The following PLB1 variants were observed in gnomAD, a reference collection of about 807,000 sequenced individuals.
The protein encoded by PLB1 is phospholipase B1.
In PLB1, 242 loss-of-function variants were observed where a neutral mutation model predicts 227.4. The observed-to-expected ratio is 1.06, with a 90% CI of 0.96 to 1.18. The LOEUF (loss-of-function observed/expected upper bound fraction) is 1.18. Among genes scored for constraint, PLB1 ranks in the 50% most tolerant of loss-of-function variants. PLB1 has a pLI of 0.00. For synonymous variants in PLB1, 757 were observed against 682.2 expected (o/e 1.11, Z -1.71); for missense variants, 1,858 against 1,816.3 (o/e 1.02, Z -0.42).
chr2:28,569,535 A>C (rs1310854433), intron 20 of PLB1, among the ~76,000 whole-genome samples: 2 of 152,210 alleles, frequency 1.3e-5, no homozygotes, highest in Non-Finnish European at 2.9e-5. Context: ...AAGAGGAGAT[A>C]CTACCAACCT....
chr2:28,531,948 T>C (rs1572792930), intron 8 of PLB1, among the ~76,000 whole-genome samples, 160 bp from the exon 9 acceptor site: 1 of 152,216 alleles, frequency 6.6e-6, no homozygotes, highest in Admixed American at 6.5e-5. Context: ...AGAGCAGTTA[T>C]ACCACTTTAA....
At chr2:28,538,846 C>G (rs907855252) in intron 10 of PLB1, among the ~76,000 whole-genome samples, 32 of 152,302 alleles carry the variant, frequency 2.1e-4, no homozygotes, top group Admixed American at 6.5e-4. Context: ...TCTCCCTCCC[C>G]TGTGGACACT....
In PLB1 at chr2:28,643,143, G is replaced by T; in HGVS notation, c.*82G>T. The T allele has an allele frequency of 5.2e-6, 7 of 1,351,556 alleles. No homozygotes were observed. Among genetic ancestry groups the T allele is most frequent in the Non-Finnish European group, 6.9e-6 (7 of 1,007,550 alleles). 83.7% of individuals were successfully genotyped at this position (1,351,556 alleles called of 1,614,324 possible). A position where few individuals can be genotyped will look rare whatever the true frequency, so the allele number is the denominator to read the frequency against. On this transcript the variant is annotated 3_prime_UTR_variant, in exon 58 of 58. Transcript: ENST00000327757. ...TGCCCCAGCCACTCCCGGCCACCAG[G>T]ACATGCTTCAATGCCTGGTGCCATA...
chr2:28,593,640 G>A (rs1380892358), intron 32 of PLB1, 41 bp from the exon 33 acceptor site: 7 of 1,576,740 alleles, frequency 4.4e-6, no homozygotes, highest in Non-Finnish European at 6.1e-6. Context: ...CCTGTTCTCT[G>A]ACTTGCTAAT....
intron 13 of PLB1, among the ~76,000 whole-genome samples, chr2:28,542,112 A>G (rs182264828): frequency 6.9e-6 from 1 of 145,144 alleles, no homozygotes; most frequent in Non-Finnish European, 1.5e-5. Flanking sequence ...CAGCCTGGGC[A>G]GTAGAACGAG....
chr2:28,623,320 A>G (rs942237651), intron 49 of PLB1, among the ~76,000 whole-genome samples: 19 of 152,216 alleles, frequency 1.2e-4, no homozygotes, highest in Non-Finnish European at 4.4e-5. Flanking sequence ...AAGGGAAAGT[A>G]GGACTTGGTC....
At chr2:28,581,482 C>CAAAAA (rs149826765) in intron 23 of PLB1, among the ~76,000 whole-genome samples, 3 of 58,308 alleles carry the variant, frequency 5.1e-5, no homozygotes, top group African/African-American at 1.7e-4. Context: ...GAGCTCCACG[C>CAAAAA]AAAAAAATAA....
chr2:28,634,291 A>G (rs1166259803), intron 56 of PLB1, among the ~76,000 whole-genome samples: 2 of 152,208 alleles, frequency 1.3e-5, no homozygotes, highest in Admixed American at 1.3e-4. Flanking sequence ...TTTATATGGT[A>G]TAATTCCTGT....
intron 6 of PLB1, among the ~76,000 whole-genome samples, chr2:28,526,747 G>A (rs1325780090): frequency 1.3e-5 from 2 of 152,176 alleles, no homozygotes; most frequent in African/African-American, 2.4e-5. Context: ...TGCTCCATGG[G>A]AGTAATGAAC....
chr2:28,558,178 G>GTA (rs1675453350), intron 17 of PLB1, among the ~76,000 whole-genome samples: 1 of 151,810 alleles, frequency 6.6e-6, no homozygotes, highest in Non-Finnish European at 1.5e-5. Flanking sequence ...GTGTGTGTGT[G>GTA]TGTCTATGTG....
At chr2:28,516,393 C>G (rs550122899) in intron 1 of PLB1, among the ~76,000 whole-genome samples, 72 of 152,292 alleles carry the variant, frequency 4.7e-4, no homozygotes, top group African/African-American at 1.6e-3. Flanking sequence ...TCACATTACC[C>G]TTCAAACTAT....
In PLB1 at chr2:28,614,072, G is replaced by C. The variant is rs200283166; in HGVS notation, c.3171G>C (p.Thr1057=). ...GAACCCCTCGGAATAGTAACTACAC[G>C]TACCCCATCAAGCCAGCCATTGAGG... is the stretch of plus-strand genomic sequence containing the variant. ...FLRTPRNSNY[T]YPIKPAIENW... Residue 1057 remains threonine (T), a synonymous_variant, in exon 44 of 58, where the codon ACG becomes ACC. Transcript: ENST00000327757. The C allele has an allele frequency of 2.5e-6, 4 of 1,612,804 alleles. No homozygotes were observed. The East Asian group carries it at 8.9e-5, about 36-fold the overall frequency.
intron 41 of PLB1, among the ~76,000 whole-genome samples, chr2:28,604,977 G>A (rs1684460655): frequency 6.6e-6 from 1 of 152,208 alleles, no homozygotes; most frequent in African/African-American, 2.4e-5. Context: ...GCACCTACTA[G>A]TGCCAGGCAC....
Position 28,598,727 on chromosome 2 carries a change from T to G in PLB1, c.2441T>G (p.Phe814Cys). The change falls in exon 35 of 58, where the codon TTC (phenylalanine) becomes TGC (cysteine). Residue 814 changes from phenylalanine (F) to cysteine (C), a missense_variant. Transcript: ENST00000327757. ...GTGDANDTNA[F>C]LNQAVPGAKA... ...GGTGATGCCAATGACACGAATGCAT[T>G]CCTCAATCAAGCTGTTCCCGGAGCA... is the stretch of plus-strand genomic sequence containing the variant. The G allele has an allele frequency of 3.1e-6, 5 of 1,614,230 alleles. No individual in the cohort carries two copies. Among genetic ancestry groups the G allele is most frequent in the Non-Finnish European group, 4.2e-6 (5 of 1,180,036 alleles).
At chr2:28,592,119 C>T (rs943205598) in intron 31 of PLB1, among the ~76,000 whole-genome samples, 5 of 152,172 alleles carry the variant, frequency 3.3e-5, no homozygotes, top group African/African-American at 1.2e-4. Context: ...TCACTGCCGC[C>T]TACAGTAGGG....
chr2:28,630,555 C>T (rs368323609), intron 53 of PLB1, 31 bp from the exon 54 acceptor site: 65 of 1,590,546 alleles, frequency 4.1e-5, no homozygotes, highest in Non-Finnish European at 5.4e-5. Context: ...GTGCCCCAGG[C>T]AGCCTCAATA....
intron 25 of PLB1, 137 bp downstream of exon 25, chr2:28,582,642 A>G (rs2148271879): frequency 1.5e-6 from 1 of 683,920 alleles, no homozygotes; most frequent in Non-Finnish European, 2.5e-6. Context: ...AACCTGGAAA[A>G]GCCTAAGGGG....
Position 28,581,490 on chromosome 2 carries a change from T to TAA in PLB1, c.1567-576_1567-575dup, listed in dbSNP as rs970307904. On this transcript the variant is annotated intron_variant, in intron 23 of 57. Transcript: ENST00000327757. The stretch of plus-strand genomic sequence containing the variant: ...AGATCCAGAGCTCCACGCAAAAAAA[T>TAA]AAATAAATAAATAAATAAATAAATA... Among the ~76,000 whole-genome samples the TAA allele has an allele frequency of 1.7e-3, 22 of 12,652 alleles. 1 individual carries two copies. The highest frequency in any genetic ancestry group is 2.7e-3 in the African/African-American group (22 of 8,264). The allele number at this position is 12,652 out of a possible 152,430, so 8.3% of individuals were successfully genotyped here.
intron 1 of PLB1, among the ~76,000 whole-genome samples, chr2:28,498,333 C>T (rs1380349689): frequency 6.6e-6 from 1 of 151,670 alleles, no homozygotes; most frequent in Non-Finnish European, 1.5e-5. Context: ...AAGTAATCCT[C>T]CCACCTCAGC....
Sources: allele counts gnomAD v4.1 joint callset (sites outside exome capture counted in the v4.1 genomes callset), GRCh38; gene constraint gnomAD v4.1.1; transcripts MANE v1.5; gene names NCBI Gene and HGNC (gene_info 2026-07-23, HGNC 2026-07-21).